Variants in ZDHHC7 observed in about 807,000 individuals in gnomAD.
ZDHHC7 encodes palmitoyltransferase ZDHHC7.
In ZDHHC7, 12 loss-of-function variants were observed where a neutral mutation model predicts 34.1. The observed-to-expected ratio is 0.35, with a 90% confidence interval of 0.23 to 0.57. The LOEUF is 0.57. Ranked by LOEUF, ZDHHC7 falls within the 20% of genes least tolerant of loss-of-function variation. The pLI is 0.84. For missense variants in ZDHHC7, 388 were observed against 402.7 expected, an observed-to-expected ratio of 0.96 and a Z score of 0.31; for synonymous variants, 185 against 155.4, an observed-to-expected ratio of 1.19 and a Z score of -1.42.
At chr16:84,982,940 G>C (rs1045695290) in intron 3 of ZDHHC7, among the ~76,000 whole-genome samples, 1 of 152,252 alleles carries the variant, frequency 6.6e-6, no homozygotes, top group Non-Finnish European at 1.5e-5. Flanking sequence ...CTGTAGGGAA[G>C]GTAAGGCCAG....
At chr16:84,993,864 C>A (rs1023544431) in intron 2 of ZDHHC7, among the ~76,000 whole-genome samples, 1 of 152,204 alleles carries the variant, frequency 6.6e-6, no homozygotes, top group Non-Finnish European at 1.5e-5. Flanking sequence ...CAGGGCCTAA[C>A]TTTTCTCTCT....
At chr16:85,015,691 A>T (rs2143784451), upstream of ZDHHC7, among the ~76,000 whole-genome samples, 1 of 152,188 alleles carries the variant, frequency 6.6e-6, no homozygotes, top group African/African-American at 2.4e-5. Flanking sequence ...ACAAAAATTT[A>T]AAAATTGGCT....
rs1167672971 is a variant in ZDHHC7, at chr16:84,976,955, G to A, written c.750+140C>T. On this transcript the variant is annotated intron_variant, in intron 7 of 7. Transcript: ENST00000313732. The stretch of plus-strand genomic sequence containing the variant: ...CAGAATGAAAGAAACAGCAAACACA[G>A]GGAGCTGGTTGCAGCTCATCAAGAC... The A allele has an allele frequency of 1.3e-5, 16 of 1,232,836 alleles. No homozygotes were observed. The African/African-American group carries it at 2.3e-4, about 18-fold the overall frequency. The allele number at this position is 1,232,836 out of a possible 1,614,324, so 76.4% of individuals were successfully genotyped here. A position where few individuals can be genotyped will look rare whatever the true frequency, so the allele number is the denominator to read the frequency against.
the ZDHHC7 span, among the ~76,000 whole-genome samples, chr16:85,022,135 G>C: frequency 0.23 from 34,730 of 151,022 alleles, 4,467 homozygotes; most frequent in African/African-American, 0.33. Context: ...ACTCTAGCCT[G>C]GGCGACAGAG....
intron 1 of ZDHHC7, among the ~76,000 whole-genome samples, chr16:85,008,376 C>A (rs2072745248): frequency 6.6e-6 from 1 of 152,006 alleles, no homozygotes; most frequent in Non-Finnish European, 1.5e-5. Context: ...CATACTGTCA[C>A]ACATCAATGC....
At chr16:84,990,234 A>C in intron 3 of ZDHHC7, 70 bp downstream of exon 3, 1 of 1,541,104 alleles carries the variant, frequency 6.5e-7, no homozygotes, top group Non-Finnish European at 8.8e-7. Context: ...CTTCCTCCAA[A>C]GGGTCAGCCA....
At chr16:84,992,620 T>C (rs2072526034) in intron 2 of ZDHHC7, among the ~76,000 whole-genome samples, 1 of 152,210 alleles carries the variant, frequency 6.6e-6, no homozygotes, top group Non-Finnish European at 1.5e-5. Flanking sequence ...CAATTTCACC[T>C]AGCTTTGCCA....
chr16:84,990,394 G>C lies in ZDHHC7; in HGVS notation c.225C>G (p.Asp75Glu). Reference sequence around the variant, plus strand: ...CCCCGTTGACCACAGAGTACCAGAAGTCTTTGGAAGGCAGCAGCATGACGA... The same window carrying C: ...CCCCGTTGACCACAGAGTACCAGAACTCTTTGGAAGGCAGCAGCATGACGA... ...VTFVMLLPSK[D>E]FWYSVVNGVI... is the part of the protein sequence containing the mutation. The change falls in exon 3 of 8, where the codon GAC becomes GAG. Residue 75 changes from aspartate (D) to glutamate (E), a missense_variant. Asp to Glu is a conservative substitution (Grantham distance 45). Coordinates refer to ENST00000313732, the MANE Select transcript of ZDHHC7 (RefSeq NM_017740.3). 1 of 1,614,160 alleles carries C rather than the reference G, an allele frequency of 6.2e-7. No individual in the cohort carries two copies. Among genetic ancestry groups the C allele is most frequent in the South Asian group, 1.1e-5 (1 of 91,078 alleles).
At chr16:85,009,365 G>C (rs981984581) in intron 1 of ZDHHC7, among the ~76,000 whole-genome samples, 1 of 152,004 alleles carries the variant, frequency 6.6e-6, no homozygotes, top group Admixed American at 6.6e-5. Context: ...CTCACTGAGA[G>C]GGCCATTCTA....
the ZDHHC7 span, among the ~76,000 whole-genome samples, chr16:85,026,784 T>C: frequency 6.6e-6 from 1 of 152,018 alleles, no homozygotes; most frequent in African/African-American, 2.4e-5. Context: ...GAGACAGAGC[T>C]TGATCATTTA....
At chr16:84,991,128 C>T (rs1045203932) in intron 2 of ZDHHC7, among the ~76,000 whole-genome samples, 7 of 152,224 alleles carry the variant, frequency 4.6e-5, no homozygotes, top group Non-Finnish European at 7.3e-5. Flanking sequence ...TTCATCTTTA[C>T]ACCGCCTCAT....
the ZDHHC7 span, among the ~76,000 whole-genome samples, chr16:85,020,307 A>G: frequency 6.6e-6 from 1 of 152,316 alleles, no homozygotes; most frequent in South Asian, 2.1e-4. Flanking sequence ...ATATTTATTC[A>G]TTCAACAAGT....
At chr16:85,004,100 T>C (rs2072687218) in intron 1 of ZDHHC7, among the ~76,000 whole-genome samples, 1 of 151,948 alleles carries the variant, frequency 6.6e-6, no homozygotes, top group Admixed American at 6.6e-5. Flanking sequence ...AACTGGCCAC[T>C]TAACAACTCC....
the ZDHHC7 span, among the ~76,000 whole-genome samples, chr16:85,017,116 T>C: frequency 1.3e-5 from 2 of 152,182 alleles, no homozygotes; most frequent in Non-Finnish European, 2.9e-5. Flanking sequence ...ACTTGTTCAA[T>C]TTTTTAATCA....
intron 2 of ZDHHC7, among the ~76,000 whole-genome samples, chr16:84,995,261 CCT>C (rs745865595): frequency 1.3e-5 from 2 of 152,170 alleles, no homozygotes; most frequent in Non-Finnish European, 2.9e-5. Context: ...TAAATAAAGC[CCT>C]GTTTCCCAGA....
intron 1 of ZDHHC7, among the ~76,000 whole-genome samples, chr16:85,002,463 T>C (rs1476969104): frequency 6.6e-6 from 1 of 151,838 alleles, no homozygotes; most frequent in Non-Finnish European, 1.5e-5. Flanking sequence ...CCAAGTCTAG[T>C]CATAAGGAAA....
chr16:85,019,110 CGTGGCTGTTAG>C, the ZDHHC7 span, among the ~76,000 whole-genome samples: 1 of 152,206 alleles, frequency 6.6e-6, no homozygotes, highest in East Asian at 1.9e-4. Context: ...CTCATTCTCT[CGTGGCTGTTAG>C]GACTTGACTC....
intron 1 of ZDHHC7, among the ~76,000 whole-genome samples, chr16:84,997,997 G>A (rs1022639409): frequency 4.7e-5 from 7 of 150,226 alleles, no homozygotes; most frequent in Admixed American, 1.3e-4. Flanking sequence ...TTAGAAGATC[G>A]GGTCTGTAAT....
At chr16:84,992,314 A>C (rs896454771) in intron 2 of ZDHHC7, among the ~76,000 whole-genome samples, 15 of 141,352 alleles carry the variant, frequency 1.1e-4, no homozygotes, top group African/African-American at 4.3e-4. Flanking sequence ...TAAAAATATA[A>C]AAATTAGTCG....
Sources: gnomAD v4.1 joint callset for allele counts (sites outside exome capture counted in the v4.1 genomes callset) on GRCh38, gnomAD v4.1.1 for gene constraint, MANE v1.5 for transcripts, NCBI Gene and HGNC (gene_info 2026-07-23, HGNC 2026-07-21) for gene names.